WNT3A: variants seen among roughly 807,000 people sequenced by gnomAD.
WNT3A encodes Wnt family member 3A.
A neutral mutation model predicts 37.0 loss-of-function variants in WNT3A; 17 were observed. The ratio of observed to expected loss-of-function variants is 0.46; its 90% CI spans 0.31 to 0.69. WNT3A has a LOEUF of 0.69. Among genes scored for constraint, WNT3A ranks in the 30% least tolerant of loss-of-function variants. WNT3A has a pLI of 0.05. For synonymous variants in WNT3A, 187 were observed against 211.0 expected (o/e 0.89, Z 0.99); for missense variants, 411 against 510.2 (o/e 0.81, Z 1.87).
rs751810699 is a variant in WNT3A at position 228,060,536 on chromosome 1, C to G, written c.*1071C>G. 2 of 274,782 alleles carry G rather than the reference C, an allele frequency of 7.3e-6. No individual in the cohort carries two copies. The highest frequency in any genetic ancestry group is 9.9e-5 in the East Asian group (1 of 10,148). The allele number at this position is 274,782 out of a possible 1,614,324, so 17.0% of individuals were successfully genotyped here. A position where few individuals can be genotyped will look rare whatever the true frequency, so the allele number is the denominator to read the frequency against. On this transcript the variant is annotated 3_prime_UTR_variant, in exon 4 of 4. Transcript: ENST00000284523. ...AGGACAGGGACTTCGCAGAGGCAAG[C>G]GACCGAGGCCCTCCCAAAGAGGCCC...
chr1:228,058,172 C>A (rs1180009711), intron 3 of WNT3A, among the ~76,000 whole-genome samples: 1 of 152,208 alleles, frequency 6.6e-6, no homozygotes, highest in Non-Finnish European at 1.5e-5. Context: ...ATAATGTAGT[C>A]AGTATTAAAA....
At chr1:228,044,252 G>A (rs1269379663) in intron 2 of WNT3A, among the ~76,000 whole-genome samples, 1 of 152,168 alleles carries the variant, frequency 6.6e-6, no homozygotes, top group East Asian at 1.9e-4. Flanking sequence ...CGCAGGAGTG[G>A]CACTGAGAGT....
At position 228,059,492 on chromosome 1, in the gene WNT3A, G is replaced by C; in HGVS notation, c.*27G>C. 1.4e-6 allele frequency: 2 copies of C among 1,479,256 alleles called. No individual in the cohort carries two copies. The highest frequency in any genetic ancestry group is 2.8e-5 in the South Asian group (2 of 71,690). The allele number at this position is 1,479,256 out of a possible 1,614,324, so 91.6% of individuals were successfully genotyped here. A position where few individuals can be genotyped will look rare whatever the true frequency, so the allele number is the denominator to read the frequency against. ...CACCGGCCGCGGCTCCCCCTGGACG[G>C]GGCGGGCCCTGCCTGAGGGTGGGCT... On this transcript the variant is annotated 3_prime_UTR_variant, in exon 4 of 4. Coordinates refer to ENST00000284523, the MANE Select transcript of WNT3A (RefSeq NM_033131.4).
chr1:228,029,097 T>G (rs1228343298), intron 2 of WNT3A, among the ~76,000 whole-genome samples: 8 of 152,286 alleles, frequency 5.3e-5, no homozygotes, highest in Admixed American at 5.2e-4. Flanking sequence ...CACCACCACA[T>G]GAAAACACTA....
At chr1:228,049,587 AC>A (rs1327975505) in intron 2 of WNT3A, among the ~76,000 whole-genome samples, 1 of 152,042 alleles carries the variant, frequency 6.6e-6, no homozygotes, top group Admixed American at 6.5e-5. Context: ...TCCCAAGGGG[AC>A]TGCACCTTTC....
chr1:228,050,862 G>C lies in WNT3A; in HGVS notation c.520G>C (p.Glu174Gln). ...MVSREFADAR[E>Q]NRPDARSAMN... is the part of the protein sequence containing the mutation. ...GTCTCGGGAGTTCGCCGACGCCCGG[G>C]AGAACCGGCCAGATGCCCGCTCAGC... Residue 174 changes from glutamate to glutamine, a missense_variant, in exon 3 of 4, where the codon GAG becomes CAG. Physicochemically the swap from Glu to Gln is conservative, Grantham distance 29. Transcript: ENST00000284523. This position sits in a 1 kb window ranked among gnomAD's most constrained non-coding sequence, Gnocchi z 5.0. 6.3e-7 allele frequency: 1 copy of C among 1,592,590 alleles called. No individual in the cohort carries two copies. Among genetic ancestry groups the C allele is most frequent in the Non-Finnish European group, 8.6e-7 (1 of 1,167,184 alleles).
chr1:228,015,237 C>A (rs984734925), intron 1 of WNT3A, among the ~76,000 whole-genome samples: 1 of 152,200 alleles, frequency 6.6e-6, no homozygotes, highest in African/African-American at 2.4e-5. Flanking sequence ...CTGCGATCTG[C>A]TAGCCCAGCC....
intron 3 of WNT3A, among the ~76,000 whole-genome samples, chr1:228,057,653 A>T (rs985957511): frequency 6.6e-6 from 1 of 152,224 alleles, no homozygotes; most frequent in African/African-American, 2.4e-5. Flanking sequence ...AGGAGGAGGC[A>T]GGATTGGGAC....
At chr1:228,033,092 A>T (rs1052036527) in intron 2 of WNT3A, among the ~76,000 whole-genome samples, 3 of 152,200 alleles carry the variant, frequency 2.0e-5, no homozygotes, top group Admixed American at 2.0e-4. Context: ...TATCCAATAC[A>T]TGACTTGCAA....
At position 228,059,865 on chromosome 1, in the gene WNT3A, G is replaced by T. The variant is rs2031764539; in HGVS notation, c.*400G>T. On this transcript the variant is annotated 3_prime_UTR_variant, in exon 4 of 4. Transcript: ENST00000284523. The stretch of plus-strand genomic sequence containing the variant: ...GTGGCTCTGGGTGGGCGGGGCACTA[G>T]GTAGGCTTCTACCTGCAGGCGGGGC... The T allele has an allele frequency of 9.4e-7, 1 of 1,060,132 alleles. No homozygotes were observed. The highest frequency in any genetic ancestry group is 1.1e-6 in the Non-Finnish European group (1 of 877,360). The allele number at this position is 1,060,132 out of a possible 1,614,324, so 65.7% of individuals were successfully genotyped here.
In WNT3A at chr1:228,011,397, G is replaced by A. The variant is rs1255694329; in HGVS notation, c.71+4198G>A. ...CTGGCCCACTCCCTCTGCAGGCCTGGCCTCACCCTAGCCCCTTCTTCCTTC... is the reference window on the plus strand; with the variant it reads ...CTGGCCCACTCCCTCTGCAGGCCTGACCTCACCCTAGCCCCTTCTTCCTTC... On this transcript the variant is annotated intron_variant, in intron 1 of 3. Coordinates refer to ENST00000284523, the MANE Select transcript of WNT3A (RefSeq NM_033131.4). Among the ~76,000 whole-genome samples the A allele has an allele frequency of 3.3e-5, 5 of 152,210 alleles. No homozygotes were observed. The East Asian group carries it at 5.8e-4, about 18-fold the overall frequency.
In WNT3A at chr1:228,060,132, C is replaced by A. The variant is rs1331948937; in HGVS notation, c.*667C>A. On this transcript the variant is annotated 3_prime_UTR_variant, in exon 4 of 4. Coordinates refer to ENST00000284523, the MANE Select transcript of WNT3A (RefSeq NM_033131.4). ...TCTCTGGGACCAGGCTCCAATGGGG[C>A]GGGGCTTCTCTCCGCGGGTGGGACT... 3.0e-6 allele frequency: 4 copies of A among 1,334,612 alleles called. No homozygotes were observed. The highest frequency in any genetic ancestry group is 4.0e-6 in the Non-Finnish European group (4 of 1,012,110). The allele number at this position is 1,334,612 out of a possible 1,614,324, so 82.7% of individuals were successfully genotyped here.
chr1:228,046,480 G>C (rs2031409966), intron 2 of WNT3A, among the ~76,000 whole-genome samples: 1 of 149,834 alleles, frequency 6.7e-6, no homozygotes, highest in African/African-American at 2.5e-5. Flanking sequence ...AGGCGTGCAT[G>C]TGGGGGTTGT....
At chr1:228,051,732 A>G (rs925127828) in intron 3 of WNT3A, among the ~76,000 whole-genome samples, 4 of 152,148 alleles carry the variant, frequency 2.6e-5, no homozygotes, top group African/African-American at 9.7e-5. Context: ...AAGAGGTTTA[A>G]TTGGCTCATG....
At chr1:228,051,962 C>A (rs772466920) in intron 3 of WNT3A, among the ~76,000 whole-genome samples, 1 of 152,160 alleles carries the variant, frequency 6.6e-6, no homozygotes, top group African/African-American at 2.4e-5. Flanking sequence ...GAGGGATCTG[C>A]CCCCATAACC....
At position 228,060,243 on chromosome 1, in the gene WNT3A, C is replaced by A. The variant is rs1396365439; in HGVS notation, c.*778C>A. On this transcript the variant is annotated 3_prime_UTR_variant, in exon 4 of 4. Transcript: ENST00000284523. ...GCAGGAAATTCAGCCCACCAGCCACCTCATCCCCAACCCCCTGTAAGGTTC... is the reference window on the plus strand; with the variant it reads ...GCAGGAAATTCAGCCCACCAGCCACATCATCCCCAACCCCCTGTAAGGTTC... 3 of 1,351,822 alleles carry A rather than the reference C, an allele frequency of 2.2e-6. No homozygotes were observed. Among genetic ancestry groups the A allele is most frequent in the African/African-American group, 1.5e-5 (1 of 67,850 alleles). The allele number at this position is 1,351,822 out of a possible 1,614,324, so 83.7% of individuals were successfully genotyped here.
intron 2 of WNT3A, 55 bp downstream of exon 2, chr1:228,022,963 C>T (rs756321874): frequency 3.2e-5 from 50 of 1,550,310 alleles, no homozygotes; most frequent in Admixed American, 7.1e-5. Flanking sequence ...CAGAGTCTCC[C>T]GCCTAGCGCT....
rs2031166166 is a variant in WNT3A, at chr1:228,037,269, C to G, written c.314-13387C>G. Among the ~76,000 whole-genome samples, 1 of 152,086 alleles carries G rather than the reference C, an allele frequency of 6.6e-6. No homozygotes were observed. Among genetic ancestry groups the G allele is most frequent in the Non-Finnish European group, 1.5e-5 (1 of 67,990 alleles). On this transcript the variant is annotated intron_variant, in intron 2 of 3. Transcript: ENST00000284523. The surrounding 1 kb of genome is among the most constrained non-coding windows in gnomAD (Gnocchi z 4.1). ...CACCCCCTGCCCTATTCTGTGAACC[C>G]CAGGGTATCCCCACTCAAAGCACAC...
intron 1 of WNT3A, among the ~76,000 whole-genome samples, chr1:228,016,006 G>T (rs763345692): frequency 1.9e-4 from 29 of 152,152 alleles, no homozygotes; most frequent in Non-Finnish European, 3.8e-4. Flanking sequence ...AGTGCTCAGG[G>T]TCTGTCTGTG....
Sources: allele counts gnomAD v4.1 joint callset (sites outside exome capture counted in the v4.1 genomes callset), GRCh38; gene constraint gnomAD v4.1.1; non-coding constraint Gnocchi (gnomAD v3.1); transcripts MANE v1.5; gene names NCBI Gene and HGNC (gene_info 2026-07-23, HGNC 2026-07-21).